The following GABRB1 variants were observed in gnomAD, a reference collection of about 807,000 sequenced individuals.
The protein encoded by GABRB1 is gamma-aminobutyric acid receptor subunit beta-1.
In GABRB1, 17 loss-of-function variants were observed where a neutral mutation model predicts 51.6. The ratio of observed to expected loss-of-function variants is 0.33; its 90% CI spans 0.23 to 0.49. GABRB1 has a LOEUF of 0.49. Ranked by LOEUF, GABRB1 falls within the 20% of genes least tolerant of loss-of-function variation. GABRB1 has a pLI of 0.99. For synonymous variants in GABRB1, 247 were observed against 218.9 expected (o/e 1.13, Z -1.14); for missense variants, 410 against 600.6 (o/e 0.68, Z 3.32).
At chr4:47,365,911 C>T (rs1327367021) in intron 5 of GABRB1, among the ~76,000 whole-genome samples, 1 of 152,140 alleles carries the variant, frequency 6.6e-6, no homozygotes, top group Non-Finnish European at 1.5e-5. Context: ...CTTTGTTGTC[C>T]AGTTCTTACC....
In GABRB1 at chr4:47,143,264, G is replaced by A. The variant is rs553550213; in HGVS notation, c.241-17985G>A. Among the ~76,000 whole-genome samples, 10 of 151,942 alleles carry A rather than the reference G, an allele frequency of 6.6e-5. No individual in the cohort carries two copies. In the South Asian group the frequency reaches 2.1e-3, roughly 32 times the overall value. On this transcript the variant is annotated intron_variant, in intron 3 of 8. Coordinates refer to ENST00000295454, the MANE Select transcript of GABRB1 (RefSeq NM_000812.4). ...TTCCACATTTTCTCTATTTTAACAT[G>A]CCACTGAGAGAGCAATGTCCTGCCA...
intron 4 of GABRB1, among the ~76,000 whole-genome samples, chr4:47,222,534 G>A (rs1193960828): frequency 6.6e-6 from 1 of 152,094 alleles, no homozygotes; most frequent in Admixed American, 6.6e-5. Flanking sequence ...GAAGAAGCCA[G>A]GAATATAGGG....
intron 4 of GABRB1, among the ~76,000 whole-genome samples, chr4:47,296,525 A>G (rs1723999346): frequency 6.6e-6 from 1 of 152,200 alleles, no homozygotes; most frequent in Non-Finnish European, 1.5e-5. Context: ...CCATTACATA[A>G]TGGTAAAGGG....
At chr4:47,171,621 T>A (rs1323342211) in intron 4 of GABRB1, among the ~76,000 whole-genome samples, 1 of 152,174 alleles carries the variant, frequency 6.6e-6, no homozygotes, top group Non-Finnish European at 1.5e-5. Context: ...CATACATATT[T>A]TTAAAGAAAA....
chr4:47,166,262 AT>A (rs571516127), intron 4 of GABRB1, among the ~76,000 whole-genome samples: 1 of 151,746 alleles, frequency 6.6e-6, no homozygotes, highest in Non-Finnish European at 1.5e-5. Flanking sequence ...TTATTGGAGG[AT>A]TTTTTTTCAA....
Position 47,166,084 on chromosome 4 carries a change from G to GA in GABRB1, c.461+4624dup, listed in dbSNP as rs202173604. On this transcript the variant is annotated intron_variant, in intron 4 of 8. Transcript: ENST00000295454. Reference sequence around the variant, plus strand: ...CATTATTGCCATCTTATTTCGCCTAGAAAAAAAAATGGTTCCTCTTTCAGA... The same window carrying GA: ...CATTATTGCCATCTTATTTCGCCTAGAAAAAAAAAATGGTTCCTCTTTCAGA... Among the ~76,000 whole-genome samples the GA allele has an allele frequency of 6.5e-4, 97 of 150,038 alleles. 1 individual carries two copies. Among genetic ancestry groups the GA allele is most frequent in the Middle Eastern group, 3.4e-3 (1 of 292 alleles).
intron 3 of GABRB1, among the ~76,000 whole-genome samples, chr4:47,041,776 T>A (rs1433442905): frequency 6.6e-6 from 1 of 152,120 alleles, no homozygotes; most frequent in African/African-American, 2.4e-5. Flanking sequence ...TGGAGACAGT[T>A]CAATGACATT....
At chr4:47,081,969 A>G (rs545104266) in intron 3 of GABRB1, among the ~76,000 whole-genome samples, 1 of 152,162 alleles carries the variant, frequency 6.6e-6, no homozygotes, top group East Asian at 1.9e-4. Flanking sequence ...TGCTTCTTTC[A>G]CAAAATCATT....
intron 4 of GABRB1, among the ~76,000 whole-genome samples, chr4:47,275,825 C>T (rs1560309761): frequency 2.0e-5 from 3 of 152,134 alleles, no homozygotes; most frequent in African/African-American, 7.2e-5. Flanking sequence ...TAACACTTCT[C>T]AAGGGATTGA....
At chr4:47,288,664 G>A (rs1723604921) in intron 4 of GABRB1, among the ~76,000 whole-genome samples, 1 of 152,188 alleles carries the variant, frequency 6.6e-6, no homozygotes, top group African/African-American at 2.4e-5. Context: ...CTTGTGGTAA[G>A]TCATTTAATC....
intron 4 of GABRB1, among the ~76,000 whole-genome samples, chr4:47,194,705 A>C (rs1437361098): frequency 2.6e-5 from 4 of 152,224 alleles, no homozygotes; most frequent in African/African-American, 9.6e-5. Context: ...TTCAATGAGG[A>C]AATTTCCAAA....
At chr4:47,102,584 C>T (rs1381982721) in intron 3 of GABRB1, among the ~76,000 whole-genome samples, 1 of 151,808 alleles carries the variant, frequency 6.6e-6, no homozygotes, top group Non-Finnish European at 1.5e-5. Flanking sequence ...TCCTGAAGCA[C>T]AGGTGGGAGT....
At chr4:47,213,637 C>CT (rs1330592204) in intron 4 of GABRB1, among the ~76,000 whole-genome samples, 1 of 151,790 alleles carries the variant, frequency 6.6e-6, no homozygotes, top group Non-Finnish European at 1.5e-5. Flanking sequence ...GGTTTTCTTT[C>CT]TTTTTTCTTT....
In GABRB1 at chr4:47,019,664, TTTCTTTCTTTCTTTCC is replaced by T. The variant is rs1488051108; in HGVS notation, c.-19-12242_-19-12227del. On this transcript the variant is annotated intron_variant, in intron 1 of 3. Transcript: ENST00000513567. ...CTTTCTTTCTTTCTTTCTTTCTTTC[TTTCTTTCTTTCTTTCC>T]TTCTTTCCTTCTTCTTTCCTTCTTT... Among the ~76,000 whole-genome samples the T allele has an allele frequency of 2.1e-5, 3 of 144,506 alleles. No homozygotes were observed. In the East Asian group the frequency reaches 6.1e-4, roughly 29 times the overall value. The allele number at this position is 144,506 out of a possible 152,430, so 94.8% of individuals were successfully genotyped here.
intron 1 of GABRB1, among the ~76,000 whole-genome samples, chr4:47,011,488 G>A (rs553016573): frequency 2.0e-5 from 3 of 152,238 alleles, no homozygotes; most frequent in Admixed American, 6.5e-5. Context: ...GTCCCAAGTA[G>A]GGTCAAATGG....
rs552849598 is a variant in GABRB1 at position 47,213,151 on chromosome 4, T to C, written c.461+51682T>C. ...ATGGTCCTTATACTCTTTCTTCAAA[T>C]CTTACATTTTCCTGCATAGCCTCTC... On this transcript the variant is annotated intron_variant, in intron 4 of 8. Coordinates refer to ENST00000295454, the MANE Select transcript of GABRB1 (RefSeq NM_000812.4). Among the ~76,000 whole-genome samples, 213 of 152,304 alleles carry C rather than the reference T, an allele frequency of 1.4e-3. 1 individual carries two copies. Among genetic ancestry groups the C allele is most frequent in the African/African-American group, 5.0e-3 (206 of 41,562 alleles).
At chr4:47,401,044 G>A (rs1447603612) in intron 5 of GABRB1, among the ~76,000 whole-genome samples, 1 of 149,624 alleles carries the variant, frequency 6.7e-6, no homozygotes, top group East Asian at 2.0e-4. Context: ...TTATGGTTGA[G>A]TAGTACTCCA....
chr4:47,121,384 C>A lies in GABRB1; in HGVS notation c.241-39865C>A, dbSNP rs186390314. On this transcript the variant is annotated intron_variant, in intron 3 of 8. Transcript: ENST00000295454. ...GAAAATCAAGACTGTCTTTACTACT[C>A]TCTTCAGTGTCTCTTTCAGCGATAT... 2.7e-3 allele frequency among the ~76,000 whole-genome samples: 410 copies of A among 152,290 alleles called. 1 individual carries two copies. The highest frequency in any genetic ancestry group is 4.5e-3 in the Non-Finnish European group (308 of 68,026).
intron 4 of GABRB1, among the ~76,000 whole-genome samples, chr4:47,226,601 TA>T (rs1393084349): frequency 6.6e-6 from 1 of 152,148 alleles, no homozygotes; most frequent in African/African-American, 2.4e-5. Context: ...ATCCTTTTTT[TA>T]TATAAAACAC....
Sources: allele counts gnomAD v4.1 joint callset (sites outside exome capture counted in the v4.1 genomes callset), GRCh38; gene constraint gnomAD v4.1.1; transcripts MANE v1.5; gene names NCBI Gene and HGNC (gene_info 2026-07-23, HGNC 2026-07-21).